The following AXIN1 variants were observed in gnomAD, a reference collection of about 807,000 sequenced individuals.
AXIN1 encodes the protein axin-1.
In AXIN1, 30 loss-of-function variants were observed where a neutral mutation model predicts 76.4. The ratio of observed to expected loss-of-function variants is 0.39; its 90% CI spans 0.29 to 0.53. The LOEUF is 0.53. Among genes scored for constraint, AXIN1 ranks in the 20% least tolerant of loss-of-function variants. The probability of loss-of-function intolerance (pLI) is 0.66; values close to 1 mark genes in which losing one functional copy is unlikely to be tolerated. For synonymous variants in AXIN1, 545 were observed against 501.4 expected (o/e 1.09, Z -1.16); for missense variants, 1,140 against 1,198.8 (o/e 0.95, Z 0.72).
Position 297,944 on chromosome 16 carries a change from CCT to C in AXIN1, c.1560_1561del (p.Ala522GlufsTer68). 5 of 1,602,420 alleles carry C rather than the reference CCT, an allele frequency of 3.1e-6. No homozygotes were observed. The highest frequency in any genetic ancestry group is 1.7e-5 in the Admixed American group (1 of 59,786). Reference sequence around the variant, plus strand: ...CAGGCCGGCCGCGTCCAGCTTCGCCCCTGACTTGGGTACGTGCTTCCCGTGCC... The same window carrying C: ...CAGGCCGGCCGCGTCCAGCTTCGCCCGACTTGGGTACGTGCTTCCCGTGCC... On this transcript the variant is annotated frameshift_variant, in exon 6 of 11. Coordinates refer to ENST00000262320, the MANE Select transcript of AXIN1 (RefSeq NM_003502.4). LOFTEE classifies it high-confidence loss of function.
chr16:309,118 C>T (rs2053104503), intron 4 of AXIN1, among the ~76,000 whole-genome samples: 1 of 152,022 alleles, frequency 6.6e-6, no homozygotes, highest in African/African-American at 2.4e-5. Context: ...ATCACGAGGT[C>T]AGGAGATCGA....
Position 293,243 on chromosome 16 carries a change from C to T in AXIN1, c.2186+245G>A. On this transcript the variant is annotated intron_variant, in intron 8 of 10. Coordinates refer to ENST00000262320, the MANE Select transcript of AXIN1 (RefSeq NM_003502.4). This position sits in a 1 kb window ranked among gnomAD's most constrained non-coding sequence, Gnocchi z 4.6. ...GGCTCAGGTTGAGGAGGGACCCCGC[C>T]TCCAGAGCAATGAGCGCGGCGGCCT... is the stretch of plus-strand genomic sequence containing the variant. 1.7e-6 allele frequency: 1 copy of T among 576,214 alleles called. No individual in the cohort carries two copies. Among genetic ancestry groups the T allele is most frequent in the East Asian group, 2.9e-5 (1 of 34,876 alleles). The allele number at this position is 576,214 out of a possible 1,614,324, so 35.7% of individuals were successfully genotyped here. A position where few individuals can be genotyped will look rare whatever the true frequency, so the allele number is the denominator to read the frequency against.
rs575793483 is a variant in AXIN1, at chr16:305,823, C to G, written c.1117-1382G>C. Among the ~76,000 whole-genome samples the G allele has an allele frequency of 1.3e-5, 2 of 152,108 alleles. 1 individual carries two copies. The highest frequency in any genetic ancestry group is 2.9e-5 in the Non-Finnish European group (2 of 68,028). ...CCTCCCAAAGTGCTGGGATTACAGG[C>G]GTGAGCCACTGCACCCGGCCCCCCT... is the stretch of plus-strand genomic sequence containing the variant. On this transcript the variant is annotated intron_variant, in intron 4 of 10. Coordinates refer to ENST00000262320, the MANE Select transcript of AXIN1 (RefSeq NM_003502.4).
intron 1 of AXIN1, among the ~76,000 whole-genome samples, chr16:351,929 G>C (rs2054153663): frequency 6.6e-6 from 1 of 152,162 alleles, no homozygotes; most frequent in Admixed American, 6.5e-5. Flanking sequence ...ACACCCAAGA[G>C]AAAGACCAGT....
At chr16:294,695 C>T (rs893464651) in intron 7 of AXIN1, among the ~76,000 whole-genome samples, 5 of 136,952 alleles carry the variant, frequency 3.7e-5, no homozygotes, top group African/African-American at 1.4e-4. Flanking sequence ...GTGGAGGTTG[C>T]AGTGCGTTGA....
intron 2 of AXIN1, among the ~76,000 whole-genome samples, chr16:329,678 C>T (rs1394072117): frequency 6.6e-6 from 1 of 152,010 alleles, no homozygotes; most frequent in Admixed American, 6.6e-5. Context: ...TGCTGGAGTG[C>T]AGTGGCGCAG....
At chr16:314,363 C>T (rs1485680739) in intron 3 of AXIN1, among the ~76,000 whole-genome samples, 180 bp downstream of exon 3, 2 of 152,332 alleles carry the variant, frequency 1.3e-5, no homozygotes, top group South Asian at 2.1e-4. Flanking sequence ...TGGGTCAGCA[C>T]GAAGCCCCCT....
chr16:335,126 TAA>T (rs1485292093), intron 2 of AXIN1, among the ~76,000 whole-genome samples: 1 of 151,802 alleles, frequency 6.6e-6, no homozygotes, highest in African/African-American at 2.4e-5. Flanking sequence ...CTTTTATTTG[TAA>T]ACTTTTTTGT....
intron 1 of AXIN1, among the ~76,000 whole-genome samples, chr16:351,752 A>G (rs973250967): frequency 8.3e-4 from 84 of 101,406 alleles, no homozygotes; most frequent in African/African-American, 2.9e-3. Flanking sequence ...CAAAAAATAT[A>G]TATATATATA....
intron 2 of AXIN1, among the ~76,000 whole-genome samples, chr16:317,500 C>T (rs2053331141): frequency 6.6e-6 from 1 of 152,244 alleles, no homozygotes; most frequent in South Asian, 2.1e-4. Context: ...CTCTGACCCA[C>T]CCACTGTGGC....
chr16:337,841 G>A (rs2053838914), intron 2 of AXIN1, among the ~76,000 whole-genome samples: 1 of 152,228 alleles, frequency 6.6e-6, no homozygotes, highest in African/African-American at 2.4e-5. Context: ...CCGGGCGTGC[G>A]GCCTCTGGGG....
At chr16:342,852 C>G (rs2053957274) in intron 2 of AXIN1, among the ~76,000 whole-genome samples, 1 of 152,248 alleles carries the variant, frequency 6.6e-6, no homozygotes, top group African/African-American at 2.4e-5. Flanking sequence ...GTGCCAGGCC[C>G]TAAGGCACAC....
intron 3 of AXIN1, among the ~76,000 whole-genome samples, chr16:310,841 G>A (rs141144518): frequency 6.6e-6 from 1 of 152,354 alleles, no homozygotes; most frequent in East Asian, 1.9e-4. Flanking sequence ...ACTGTGCAGT[G>A]TGCCTGCCTT....
At chr16:327,345 G>C (rs753667809) in intron 2 of AXIN1, among the ~76,000 whole-genome samples, 17 of 152,122 alleles carry the variant, frequency 1.1e-4, no homozygotes, top group Non-Finnish European at 2.1e-4. Context: ...GTGATTTCTC[G>C]GTCACTCAGG....
At chr16:343,873 GCACA>G (rs951011698) in intron 2 of AXIN1, among the ~76,000 whole-genome samples, 4 of 151,536 alleles carry the variant, frequency 2.6e-5, no homozygotes, top group Admixed American at 2.6e-4. Context: ...AGGCATGGTA[GCACA>G]CACCTGTAAT....
chr16:341,829 A>G lies in AXIN1; in HGVS notation c.878+4319T>C, dbSNP rs1258412295. ...CCAATCAGCACTCTGTGTCTAGCTC[A>G]GGGTTTGTGAATGCACCAATCGACA... On this transcript the variant is annotated intron_variant, in intron 2 of 10. Transcript: ENST00000262320. Among the ~76,000 whole-genome samples, 5 of 152,248 alleles carry G rather than the reference A, an allele frequency of 3.3e-5. No individual in the cohort carries two copies. The South Asian group carries it at 6.2e-4, about 19-fold the overall frequency.
At chr16:311,130 C>T (rs1262329100) in intron 3 of AXIN1, among the ~76,000 whole-genome samples, 6 of 150,868 alleles carry the variant, frequency 4.0e-5, no homozygotes, top group Non-Finnish European at 8.8e-5. Context: ...CCCGGGTTCA[C>T]GCCATTCTCC....
At position 346,235 on chromosome 16, in the gene AXIN1, G is replaced by A. The variant is rs1417993403; in HGVS notation, c.791C>T (p.Pro264Leu). The A allele has an allele frequency of 6.2e-7, 1 of 1,614,018 alleles. No individual in the cohort carries two copies. Among genetic ancestry groups the A allele is most frequent in the African/African-American group, 1.3e-5 (1 of 74,932 alleles). The change falls in exon 2 of 11, where the codon CCC (proline) becomes CTC (leucine). Residue 264 changes from proline (P) to leucine (L), a missense_variant. Pro to Leu is a moderately conservative substitution (Grantham distance 98, BLOSUM62 -3). Coordinates refer to ENST00000262320, the MANE Select transcript of AXIN1 (RefSeq NM_003502.4). ...DEDDGRDAAPPGRLPQKLLLE... is the reference protein window; with the variant it reads ...DEDDGRDAAPLGRLPQKLLLE... ...GAGCAGCTTCTGAGGGAGTCTTCCG[G>A]GGGGAGCAGCGTCTCTGCCATCGTC...
chr16:324,818 G>A (rs1027444947), intron 2 of AXIN1, among the ~76,000 whole-genome samples: 1 of 152,204 alleles, frequency 6.6e-6, no homozygotes, highest in African/African-American at 2.4e-5. Context: ...GGCAGCTTCC[G>A]GCAGCCGCAG....
Sources: allele counts gnomAD v4.1 joint callset (sites outside exome capture counted in the v4.1 genomes callset), GRCh38; gene constraint gnomAD v4.1.1; non-coding constraint Gnocchi (gnomAD v3.1); transcripts MANE v1.5; gene names NCBI Gene and HGNC (gene_info 2026-07-23, HGNC 2026-07-21).